The following BCKDHB variants were observed in gnomAD, a reference collection of about 807,000 sequenced individuals.
BCKDHB encodes branched chain keto acid dehydrogenase E1 subunit beta.
BCKDHB carries 41 observed loss-of-function variants against 48.5 expected under a neutral mutation model. The observed-to-expected ratio is 0.85, with a 90% CI of 0.66 to 1.10. BCKDHB has a LOEUF of 1.10. Ranked by LOEUF, BCKDHB falls within the 50% of genes least tolerant of loss-of-function variation. The pLI is 0.00. For missense variants in BCKDHB, 496 were observed against 494.2 expected (o/e 1.00, Z -0.03); for synonymous variants, 201 against 174.8 (o/e 1.15, Z -1.18).
intron 9 of BCKDHB, among the ~76,000 whole-genome samples, chr6:80,287,841 T>C (rs1475378508): frequency 1.3e-5 from 2 of 152,194 alleles, no homozygotes; most frequent in Non-Finnish European, 2.9e-5. Flanking sequence ...GCACAAAACA[T>C]GGGTCAGAGG....
At chr6:80,246,889 C>T (rs930202330) in intron 8 of BCKDHB, among the ~76,000 whole-genome samples, 1 of 152,006 alleles carries the variant, frequency 6.6e-6, no homozygotes, top group Non-Finnish European at 1.5e-5. Flanking sequence ...TCCCCCACCC[C>T]TCTCCCCCAA....
chr6:80,133,216 T>C (rs1354436181), intron 3 of BCKDHB, among the ~76,000 whole-genome samples: 1 of 152,186 alleles, frequency 6.6e-6, no homozygotes, highest in Non-Finnish European at 1.5e-5. Context: ...TTATATTCCA[T>C]CAGAAGGCGG....
rs150713306 is a variant in BCKDHB at position 80,258,414 on chromosome 6, A to G, written c.952-14721A>G. 5.3e-3 allele frequency among the ~76,000 whole-genome samples: 802 copies of G among 152,364 alleles called. 2 individuals carry two copies. The highest frequency in any genetic ancestry group is 0.018 in the African/African-American group (754 of 41,584). On this transcript the variant is annotated intron_variant, in intron 8 of 9. Coordinates refer to ENST00000320393, the MANE Select transcript of BCKDHB (RefSeq NM_183050.4). The stretch of plus-strand genomic sequence containing the variant: ...TTAGAAGGTACCAGAGGAAATATTC[A>G]ACAAAATTTTGTTATTCTTCCTTAA...
chr6:80,218,643 T>C lies in BCKDHB; in HGVS notation c.951+15431T>C, dbSNP rs546865443. The stretch of plus-strand genomic sequence containing the variant: ...TGATTACCTCTTTATTGTAATTTAT[T>C]TTAATTTCTATATCTTACTCCATTA... On this transcript the variant is annotated intron_variant, in intron 8 of 9. Coordinates refer to ENST00000320393, the MANE Select transcript of BCKDHB (RefSeq NM_183050.4). Among the ~76,000 whole-genome samples, 3 of 152,190 alleles carry C rather than the reference T, an allele frequency of 2.0e-5. No individual in the cohort carries two copies. In the South Asian group the frequency reaches 6.2e-4, roughly 32 times the overall value.
chr6:80,149,776 A>G (rs1320964129), intron 3 of BCKDHB, among the ~76,000 whole-genome samples: 2 of 145,744 alleles, frequency 1.4e-5, no homozygotes, highest in Non-Finnish European at 3.0e-5. Context: ...GGAATTGAAC[A>G]ATGAGAACAC....
At chr6:80,424,424 T>C in the BCKDHB span, among the ~76,000 whole-genome samples, 1 of 152,224 alleles carries the variant, frequency 6.6e-6, no homozygotes, top group Non-Finnish European at 1.5e-5. Flanking sequence ...CTCATTCTTA[T>C]AATTGCTTCC....
chr6:80,407,323 T>C, the BCKDHB span, among the ~76,000 whole-genome samples: 1 of 152,218 alleles, frequency 6.6e-6, no homozygotes, highest in Admixed American at 6.5e-5. Flanking sequence ...AGCTTATGAT[T>C]GTCCTTGCTA....
chr6:80,106,688 G>C lies in BCKDHB; in HGVS notation c.-6G>C, dbSNP rs1156233018. On this transcript the variant is annotated 5_prime_UTR_variant, in exon 1 of 10. Coordinates refer to ENST00000320393, the MANE Select transcript of BCKDHB (RefSeq NM_183050.4). ...CATAGCCTGAGAATCCCGGTGGTGA[G>C]CGGGGATGGCGGTTGTAGCGGCGGC... is the stretch of plus-strand genomic sequence containing the variant. 1 of 1,552,918 alleles carries C rather than the reference G, an allele frequency of 6.4e-7. No homozygotes were observed. Among genetic ancestry groups the C allele is most frequent in the Non-Finnish European group, 8.7e-7 (1 of 1,149,034 alleles).
chr6:80,173,203 G>A (rs1678193095), intron 6 of BCKDHB, among the ~76,000 whole-genome samples: 1 of 152,130 alleles, frequency 6.6e-6, no homozygotes, highest in Non-Finnish European at 1.5e-5. Flanking sequence ...TGAAAAATTT[G>A]TCCTAGGCTT....
At position 80,106,706 on chromosome 6, in the gene BCKDHB, G is replaced by T. The variant is rs1348748094; in HGVS notation, c.13G>T (p.Ala5Ser). ...GTGGTGAGCGGGGATGGCGGTTGTA[G>T]CGGCGGCTGCCGGCTGGCTACTCAG... MAVV[A>S]AAAGWLLRLR... The change falls in exon 1 of 10, where the codon GCG becomes TCG. Residue 5 changes from alanine to serine, a missense_variant. By Grantham distance (99) the Ala-to-Ser change is moderately conservative. Transcript: ENST00000320393. 9.7e-6 allele frequency: 15 copies of T among 1,551,994 alleles called. No individual in the cohort carries two copies. Among genetic ancestry groups the T allele is most frequent in the African/African-American group, 9.6e-5 (7 of 73,120 alleles).
At chr6:80,376,284 G>A in the BCKDHB span, among the ~76,000 whole-genome samples, 2 of 152,032 alleles carry the variant, frequency 1.3e-5, no homozygotes, top group Non-Finnish European at 2.9e-5. Flanking sequence ...CCAGGGAAGT[G>A]GGGGAAAGCT....
At chr6:80,396,846 C>A in the BCKDHB span, among the ~76,000 whole-genome samples, 5 of 152,288 alleles carry the variant, frequency 3.3e-5, no homozygotes, top group Non-Finnish European at 7.4e-5. Flanking sequence ...AACTGTAAAT[C>A]AATTAAACCT....
At chr6:80,332,909 C>G (rs1769388707) in intron 9 of BCKDHB, among the ~76,000 whole-genome samples, 2 of 126,528 alleles carry the variant, frequency 1.6e-5, no homozygotes, top group African/African-American at 5.7e-5. Context: ...GCTCATCTTC[C>G]CAGCAAGCAC....
chr6:80,218,848 C>G (rs775929158), intron 8 of BCKDHB, among the ~76,000 whole-genome samples: 9 of 152,070 alleles, frequency 5.9e-5, no homozygotes, highest in Non-Finnish European at 1.2e-4. Context: ...TAATTAAACC[C>G]TTGATTTTAA....
At chr6:80,226,544 A>C (rs988165229) in intron 8 of BCKDHB, among the ~76,000 whole-genome samples, 1 of 152,216 alleles carries the variant, frequency 6.6e-6, no homozygotes, top group Admixed American at 6.5e-5. Flanking sequence ...GATGGACAAT[A>C]GATTAGGTTC....
chr6:80,272,084 G>A (rs1172954593), intron 8 of BCKDHB, among the ~76,000 whole-genome samples: 2 of 151,982 alleles, frequency 1.3e-5, no homozygotes, highest in Non-Finnish European at 2.9e-5. Context: ...TATTCATTAA[G>A]GTGTTCATAA....
At chr6:80,141,033 G>T (rs1382190295) in intron 3 of BCKDHB, among the ~76,000 whole-genome samples, 2 of 152,108 alleles carry the variant, frequency 1.3e-5, no homozygotes, top group Admixed American at 1.3e-4. Context: ...TTAGTCTTGG[G>T]AGAGTGTACG....
In BCKDHB at chr6:80,295,806, T is replaced by C. The variant is rs1004467127; in HGVS notation, c.1038+22585T>C. On this transcript the variant is annotated intron_variant, in intron 9 of 9. Coordinates refer to ENST00000320393, the MANE Select transcript of BCKDHB (RefSeq NM_183050.4). ...ATCTTGTGAGACTTATTCACTATCA[T>C]GTGAATGGTCCAGGGAAGACCCACC... is the stretch of plus-strand genomic sequence containing the variant. 2.7e-5 allele frequency among the ~76,000 whole-genome samples: 4 copies of C among 150,516 alleles called. No homozygotes were observed. The East Asian group carries it at 6.1e-4, about 23-fold the overall frequency.
intron 3 of BCKDHB, among the ~76,000 whole-genome samples, chr6:80,136,549 A>T (rs1770894961): frequency 6.6e-6 from 1 of 152,166 alleles, no homozygotes. Context: ...GGATTTGATA[A>T]TGACTTTTTA....
Sources: allele counts gnomAD v4.1 joint callset (sites outside exome capture counted in the v4.1 genomes callset), GRCh38; gene constraint gnomAD v4.1.1; transcripts MANE v1.5; gene names NCBI Gene and HGNC (gene_info 2026-07-23, HGNC 2026-07-21).